The following WWOX variants were observed in gnomAD, a reference collection of about 807,000 sequenced individuals.
WWOX encodes WW domain-containing oxidoreductase.
A neutral mutation model predicts 46.2 loss-of-function variants in WWOX; 69 were observed. That is an observed-to-expected ratio of 1.49 (90% CI 1.23 to 1.82). WWOX has a LOEUF of 1.82. Among genes scored for constraint, WWOX ranks in the 40% most tolerant of loss-of-function variants. WWOX has a pLI of 0.00. For synonymous variants in WWOX, 359 were observed against 202.6 expected, an observed-to-expected ratio of 1.77 and a Z score of -6.56; for missense variants, 919 against 542.6, an observed-to-expected ratio of 1.69 and a Z score of -6.89.
At chr16:78,502,013 A>G (rs1208988698) in intron 8 of WWOX, among the ~76,000 whole-genome samples, 1 of 152,088 alleles carries the variant, frequency 6.6e-6, no homozygotes, top group Non-Finnish European at 1.5e-5. Flanking sequence ...CCCCTTTGCA[A>G]AAGTAAGAAT....
chr16:78,853,861 G>T (rs2052507602), intron 8 of WWOX, among the ~76,000 whole-genome samples: 1 of 152,112 alleles, frequency 6.6e-6, no homozygotes, highest in South Asian at 2.1e-4. Flanking sequence ...AGGTAAAATG[G>T]ATGCTGACTG....
chr16:78,804,131 C>T (rs1315263371), intron 8 of WWOX, among the ~76,000 whole-genome samples: 3 of 152,140 alleles, frequency 2.0e-5, no homozygotes, highest in Non-Finnish European at 2.9e-5. Context: ...GGTCAGATAG[C>T]ATGTGTCCTG....
intron 8 of WWOX, among the ~76,000 whole-genome samples, chr16:78,973,676 C>G (rs989971481): frequency 3.3e-5 from 5 of 152,224 alleles, no homozygotes; most frequent in African/African-American, 9.6e-5. Flanking sequence ...TCAAAGTGCT[C>G]TTTTAACAAA....
chr16:79,121,584 C>T (rs377359362), intron 8 of WWOX, among the ~76,000 whole-genome samples: 8 of 152,074 alleles, frequency 5.3e-5, no homozygotes, highest in African/African-American at 1.9e-4. Context: ...AACAAGAGAC[C>T]GTGCTGGTGA....
chr16:78,106,621 G>T (rs1265733241), intron 1 of WWOX, among the ~76,000 whole-genome samples: 1 of 151,914 alleles, frequency 6.6e-6, no homozygotes, highest in Admixed American at 6.6e-5. Context: ...TCTCCATGTT[G>T]TTCAGGCTGG....
At chr16:79,050,874 A>T (rs1474166243) in intron 8 of WWOX, among the ~76,000 whole-genome samples, 1 of 152,200 alleles carries the variant, frequency 6.6e-6, no homozygotes, top group Non-Finnish European at 1.5e-5. Flanking sequence ...AGGTGAGCTG[A>T]CAGTTATCCT....
intron 8 of WWOX, among the ~76,000 whole-genome samples, chr16:78,676,066 T>C (rs946085118): frequency 1.3e-5 from 2 of 151,892 alleles, no homozygotes; most frequent in African/African-American, 2.4e-5. Flanking sequence ...AATCTCAGAG[T>C]AATCCAGACG....
chr16:78,392,789 T>G (rs6564537), intron 6 of WWOX, among the ~76,000 whole-genome samples: 5 of 152,196 alleles, frequency 3.3e-5, no homozygotes, highest in South Asian at 2.1e-4. Context: ...CAGGCCTGAT[T>G]GCCAAAGCCA....
chr16:78,569,890 G>C lies in WWOX; in HGVS notation c.1056+137138G>C, dbSNP rs1043677226. Reference sequence around the variant, plus strand: ...CTGCTTCTAGCTCATCATCTTCCTTGATCATAAATACCCATCGGTACCTCT... The same window carrying C: ...CTGCTTCTAGCTCATCATCTTCCTTCATCATAAATACCCATCGGTACCTCT... On this transcript the variant is annotated intron_variant, in intron 8 of 8. Transcript: ENST00000566780. 2.0e-5 allele frequency among the ~76,000 whole-genome samples: 3 copies of C among 152,206 alleles called. No homozygotes were observed. The East Asian group carries it at 5.8e-4, about 29-fold the overall frequency.
chr16:78,816,504 T>C (rs1338873614), intron 8 of WWOX, among the ~76,000 whole-genome samples: 2 of 39,352 alleles, frequency 5.1e-5, no homozygotes, highest in African/African-American at 3.8e-4. Context: ...GAGCCACTCT[T>C]TTTTTTTTTT....
intron 8 of WWOX, among the ~76,000 whole-genome samples, chr16:78,559,688 A>G (rs2044387723): frequency 6.6e-6 from 1 of 152,026 alleles, no homozygotes; most frequent in South Asian, 2.1e-4. Context: ...TTTCTTTTTA[A>G]TCCTCCTCCT....
At chr16:78,240,890 C>T (rs1297829151) in intron 5 of WWOX, among the ~76,000 whole-genome samples, 1 of 151,364 alleles carries the variant, frequency 6.6e-6, no homozygotes, top group Non-Finnish European at 1.5e-5. Flanking sequence ...AACATGAAGC[C>T]AAAGGGCTGA....
At chr16:78,697,496 A>C (rs112252330) in intron 8 of WWOX, among the ~76,000 whole-genome samples, 1 of 151,996 alleles carries the variant, frequency 6.6e-6, no homozygotes, top group Admixed American at 6.6e-5. Flanking sequence ...AATCTATACA[A>C]ATCTATACGT....
chr16:79,160,233 T>C (rs2050458810), intron 8 of WWOX, among the ~76,000 whole-genome samples: 1 of 152,174 alleles, frequency 6.6e-6, no homozygotes. Flanking sequence ...GAAGAGTGTT[T>C]TGATGTATAG....
intron 8 of WWOX, among the ~76,000 whole-genome samples, chr16:79,137,147 G>A (rs1597407603): frequency 6.6e-6 from 1 of 152,152 alleles, no homozygotes; most frequent in African/African-American, 2.4e-5. Context: ...ATGGATCTCT[G>A]TAGCAGGCAC....
At chr16:78,373,308 G>A (rs1418633950) in intron 5 of WWOX, among the ~76,000 whole-genome samples, 1 of 152,166 alleles carries the variant, frequency 6.6e-6, no homozygotes, top group Non-Finnish European at 1.5e-5. Context: ...AGTTGGCTTT[G>A]TCTATTTGGT....
chr16:79,102,053 T>C (rs1334249976), intron 8 of WWOX, among the ~76,000 whole-genome samples: 2 of 11,594 alleles, frequency 1.7e-4, no homozygotes, highest in Admixed American at 1.0e-3. Flanking sequence ...GGGCAGGGAG[T>C]AGGGGGGAGG....
intron 8 of WWOX, among the ~76,000 whole-genome samples, chr16:79,022,594 C>G (rs1051613869): frequency 6.6e-6 from 1 of 152,104 alleles, no homozygotes; most frequent in African/African-American, 2.4e-5. Flanking sequence ...AGGGAACATA[C>G]TTTTAGGATG....
At chr16:78,556,010 G>C (rs570823028) in intron 8 of WWOX, among the ~76,000 whole-genome samples, 27 of 152,224 alleles carry the variant, frequency 1.8e-4, no homozygotes, top group African/African-American at 5.8e-4. Flanking sequence ...ACAGGGAGAA[G>C]AACTGTGAGA....
Sources: allele counts gnomAD v4.1 joint callset (sites outside exome capture counted in the v4.1 genomes callset), GRCh38; gene constraint gnomAD v4.1.1; transcripts MANE v1.5; gene names NCBI Gene and HGNC (gene_info 2026-07-23, HGNC 2026-07-21).